The following MYO18B variants were observed in gnomAD, a reference collection of about 807,000 sequenced individuals.
MYO18B encodes the protein unconventional myosin-XVIIIb.
In MYO18B, 204 loss-of-function variants were observed where a neutral mutation model predicts 273.0. The observed-to-expected ratio is 0.75, with a 90% CI of 0.67 to 0.84. The LOEUF (loss-of-function observed/expected upper bound fraction) is 0.84. Ranked by LOEUF, MYO18B falls within the 40% of genes least tolerant of loss-of-function variation. The pLI is 0.00. For missense variants in MYO18B, 3,212 were observed against 3,287.6 expected, an observed-to-expected ratio of 0.98 and a Z score of 0.56; for synonymous variants, 1,330 against 1,305.7, an observed-to-expected ratio of 1.02 and a Z score of -0.40.
chr22:25,865,678 T>A (rs2090864856), intron 21 of MYO18B, among the ~76,000 whole-genome samples: 1 of 152,084 alleles, frequency 6.6e-6, no homozygotes, highest in Non-Finnish European at 1.5e-5. Context: ...GGCCACACAG[T>A]TTATGGAGTG....
chr22:25,904,943 TAA>T (rs10567781), intron 31 of MYO18B, among the ~76,000 whole-genome samples: 50,860 of 146,808 alleles, frequency 0.35, 9,727 homozygotes, highest in African/African-American at 0.54. Flanking sequence ...ATGCCTGAGA[TAA>T]AAAAAAAAAA....
At chr22:25,951,450 G>A (rs2146625857) in intron 37 of MYO18B, among the ~76,000 whole-genome samples, 1 of 152,290 alleles carries the variant, frequency 6.6e-6, no homozygotes, top group South Asian at 2.1e-4. Flanking sequence ...CTGTGCTTGT[G>A]CTGAATCCAA....
At chr22:25,896,842 T>A (rs1466947528) in intron 28 of MYO18B, 1 of 152,176 alleles carries the variant, frequency 6.6e-6, no homozygotes, top group Non-Finnish European at 1.5e-5. Flanking sequence ...AAACTACCAT[T>A]GTGATGTCAC....
At chr22:25,977,949 C>CTT (rs2093110029) in intron 39 of MYO18B, among the ~76,000 whole-genome samples, 1 of 152,118 alleles carries the variant, frequency 6.6e-6, no homozygotes, top group African/African-American at 2.4e-5. Flanking sequence ...AAGCTCCTGT[C>CTT]TGTGTGAATC....
intron 25 of MYO18B, among the ~76,000 whole-genome samples, chr22:25,885,921 T>C (rs2091484775): frequency 6.6e-6 from 1 of 152,246 alleles, no homozygotes; most frequent in Non-Finnish European, 1.5e-5. Flanking sequence ...CTTACAAGAT[T>C]GACCCATTCC....
Position 25,925,734 on chromosome 22 carries a change from G to A in MYO18B, c.5517+4325G>A, listed in dbSNP as rs1453892081. 3.3e-5 allele frequency among the ~76,000 whole-genome samples: 5 copies of A among 151,370 alleles called. No homozygotes were observed. The East Asian group carries it at 5.9e-4, about 18-fold the overall frequency. Reference sequence around the variant, plus strand: ...AGCCTGGTTAACATGGTGAAACCCTGTCTCTACTAAAAATACAAAAATTAG... The same window carrying A: ...AGCCTGGTTAACATGGTGAAACCCTATCTCTACTAAAAATACAAAAATTAG... On this transcript the variant is annotated intron_variant, in intron 34 of 43. Transcript: ENST00000335473.
chr22:26,034,250 C>A (rs142794772), downstream of MYO18B, among the ~76,000 whole-genome samples: 1 of 152,276 alleles, frequency 6.6e-6, no homozygotes, highest in Non-Finnish European at 1.5e-5. Context: ...CCCTTAGCAC[C>A]CGGCGTAGTA....
At chr22:25,995,617 G>A (rs1452717616) in intron 40 of MYO18B, among the ~76,000 whole-genome samples, 1 of 152,198 alleles carries the variant, frequency 6.6e-6, no homozygotes, top group Non-Finnish European at 1.5e-5. Flanking sequence ...GGGAGAATGA[G>A]ATCCCGGTGG....
At chr22:25,767,692 G>C (rs1018342923) in intron 3 of MYO18B, among the ~76,000 whole-genome samples, 2 of 152,202 alleles carry the variant, frequency 1.3e-5, no homozygotes, top group Admixed American at 1.3e-4. Flanking sequence ...AGTAGCAGCA[G>C]CTACTGTTGT....
intron 11 of MYO18B, among the ~76,000 whole-genome samples, chr22:25,785,701 T>C (rs1208104859): frequency 6.6e-6 from 1 of 152,198 alleles, no homozygotes; most frequent in Non-Finnish European, 1.5e-5. Context: ...AGACATAGTA[T>C]ACGTAGAGGT....
At chr22:25,962,533 C>T (rs929097591) in intron 39 of MYO18B, among the ~76,000 whole-genome samples, 5 of 152,210 alleles carry the variant, frequency 3.3e-5, no homozygotes, top group Non-Finnish European at 7.3e-5. Flanking sequence ...TTGTATCTTA[C>T]TATGTACCTA....
chr22:25,881,871 T>G (rs894226303), intron 25 of MYO18B, among the ~76,000 whole-genome samples: 1 of 146,596 alleles, frequency 6.8e-6, no homozygotes, highest in East Asian at 2.2e-4. Context: ...TAAGAGTTGA[T>G]GAGTGTATGG....
In MYO18B at chr22:25,898,438, T is replaced by A; in HGVS notation, c.4800T>A (p.His1600Gln). 6.2e-7 allele frequency: 1 copy of A among 1,613,734 alleles called. No individual in the cohort carries two copies. Among genetic ancestry groups the A allele is most frequent in the Non-Finnish European group, 8.5e-7 (1 of 1,179,804 alleles). Reference protein sequence around the residue: ...VLLENQQSRNHELEKKQKKFD... With the variant: ...VLLENQQSRNQELEKKQKKFD... ...TAGAGAACCAACAAAGTCGAAACCA[T>A]GAGCTGGAGAAGAAGCAGAAGAAGT... The change falls in exon 29 of 44, where the codon CAT becomes CAA. Residue 1600 changes from histidine to glutamine, a missense_variant. Transcript: ENST00000335473.
the MYO18B span, among the ~76,000 whole-genome samples, chr22:26,061,497 C>T: frequency 6.6e-6 from 1 of 152,060 alleles, no homozygotes; most frequent in Non-Finnish European, 1.5e-5. Context: ...GTCCTTGCTA[C>T]AATCATGGGC....
At chr22:25,816,217 C>T (rs559320939) in intron 12 of MYO18B, among the ~76,000 whole-genome samples, 14 of 152,280 alleles carry the variant, frequency 9.2e-5, no homozygotes, top group East Asian at 7.7e-4. Flanking sequence ...GATTTTCTCC[C>T]GGGGTTTCTC....
At chr22:25,935,428 C>T (rs529052724) in intron 34 of MYO18B, among the ~76,000 whole-genome samples, 4 of 152,158 alleles carry the variant, frequency 2.6e-5, no homozygotes, top group Non-Finnish European at 5.9e-5. Context: ...TGGGGACATG[C>T]TTTGATTTCC....
chr22:25,742,728 G>A (rs938320857), intron 1 of MYO18B, among the ~76,000 whole-genome samples: 1 of 152,142 alleles, frequency 6.6e-6, no homozygotes, highest in African/African-American at 2.4e-5. Context: ...TTCCCCTTTC[G>A]TGTTAACAAC....
intron 29 of MYO18B, among the ~76,000 whole-genome samples, chr22:25,902,214 T>TA (rs200562926): frequency 0.015 from 2,292 of 152,288 alleles, 15 homozygotes; most frequent in Middle Eastern, 0.034. Context: ...ATATTTTTAT[T>TA]AGATTTTAGG....
intron 21 of MYO18B, among the ~76,000 whole-genome samples, chr22:25,852,509 A>G (rs1238892403): frequency 1.3e-5 from 2 of 152,230 alleles, no homozygotes; most frequent in African/African-American, 4.8e-5. Context: ...CTCTACTTCC[A>G]GTGCCAAACT....
Sources: gnomAD v4.1 joint callset for allele counts (sites outside exome capture counted in the v4.1 genomes callset) on GRCh38, gnomAD v4.1.1 for gene constraint, MANE v1.5 for transcripts, NCBI Gene and HGNC (gene_info 2026-07-23, HGNC 2026-07-21) for gene names.